The following MMP25 variants were observed in gnomAD, a reference collection of about 807,000 sequenced individuals.
The protein encoded by MMP25 is matrix metalloproteinase-25.
MMP25 carries 68 observed loss-of-function variants against 62.1 expected under a neutral mutation model. The observed-to-expected ratio is 1.10, with a 90% CI of 0.90 to 1.34. MMP25 has a LOEUF of 1.34. MMP25 is among the 40% of genes most tolerant of loss of function. The pLI is 0.00. For missense variants in MMP25, 942 were observed against 792.5 expected, an observed-to-expected ratio of 1.19 and a Z score of -2.26; for synonymous variants, 407 against 345.6, an observed-to-expected ratio of 1.18 and a Z score of -1.97.
rs765568487 is a variant in MMP25, at chr16:3,057,316, C to T, written c.845C>T (p.Ala282Val). Residue 282 changes from alanine (A) to valine (V), a missense_variant, in exon 6 of 10, where the codon GCG becomes GTG. Physicochemically the swap from Ala to Val is moderately conservative, Grantham distance 64 (BLOSUM62 0). Transcript: ENST00000336577. ...CCTGACTCTTTCCTCACAGGGAAGGCGCCCCAAACCCCATATGACAAGCCC... is the reference window on the plus strand; with the variant it reads ...CCTGACTCTTTCCTCACAGGGAAGGTGCCCCAAACCCCATATGACAAGCCC... ...RDGLQQLYGKAPQTPYDKPTR... is the reference protein window; with the variant it reads ...RDGLQQLYGKVPQTPYDKPTR... The T allele has an allele frequency of 1.1e-5, 18 of 1,614,054 alleles. No homozygotes were observed. The East Asian group carries it at 2.2e-4, about 20-fold the overall frequency.
chr16:3,051,865 C>G (rs1362578774), intron 4 of MMP25: 1 of 152,152 alleles, frequency 6.6e-6, no homozygotes, highest in Non-Finnish European at 1.5e-5. Flanking sequence ...TTGCTTTCAT[C>G]TGTAATCCTA....
In MMP25 at chr16:3,059,066, C is replaced by A. The variant is rs575147898; in HGVS notation, c.1657C>A (p.Pro553Thr). The part of the protein sequence containing the change: ...WPAPIPLLLL[P>T]LLVGGVASR The stretch of plus-strand genomic sequence containing the variant: ...TGCTCCCATCCCGCTGCTCCTCTTG[C>A]CCCTGCTGGTGGGGGGTGTAGCCTC... Residue 553 changes from proline (P) to threonine (T), a missense_variant, in exon 10 of 10, where the codon CCC becomes ACC. Physicochemically the swap from Pro to Thr is conservative, Grantham distance 38 (BLOSUM62 -1). Coordinates refer to ENST00000336577, the MANE Select transcript of MMP25 (RefSeq NM_022468.5). The A allele has an allele frequency of 4.5e-6, 7 of 1,549,940 alleles. No individual in the cohort carries two copies. In the East Asian group the frequency reaches 1.5e-4, roughly 32 times the overall value.
rs1475420009 is a variant in MMP25 at position 3,057,579 on chromosome 16, C to T, written c.972C>T (p.Ile324=). 8 of 1,614,198 alleles carry T rather than the reference C, an allele frequency of 5.0e-6. No individual in the cohort carries two copies. The highest frequency in any genetic ancestry group is 2.2e-5 in the East Asian group (1 of 44,888). The change falls in exon 7 of 10, where the codon ATC becomes ATT. Residue 324 remains isoleucine, a synonymous_variant. Coordinates refer to ENST00000336577, the MANE Select transcript of MMP25 (RefSeq NM_022468.5). Reference sequence around the variant, plus strand: ...GATGTGAGGGCAATTTTGACGCCATCGCCAACATCCGAGGGGAAACTTTCT... The same window carrying T: ...GATGTGAGGGCAATTTTGACGCCATTGCCAACATCCGAGGGGAAACTTTCT... ...PDRCEGNFDA[I]ANIRGETFFF...
At position 3,058,924 on chromosome 16, in the gene MMP25, G is replaced by C. The variant is rs1956067346; in HGVS notation, c.1515G>C (p.Trp505Cys). 12 of 1,551,850 alleles carry C rather than the reference G, an allele frequency of 7.7e-6. No homozygotes were observed. Among genetic ancestry groups the C allele is most frequent in the African/African-American group, 1.4e-5 (1 of 73,382 alleles). The part of the protein sequence containing the change: ...PDAPQPMGPN[W>C]LDCPAPSSGP... ...CCCCCCAGCCCATGGGGCCCAACTG[G>C]CTGGACTGCCCCGCCCCGAGCTCTG... Residue 505 changes from tryptophan (W) to cysteine (C), a missense_variant, in exon 10 of 10, where the codon TGG (tryptophan) becomes TGC (cysteine). Trp to Cys is a radical substitution (Grantham distance 215). Coordinates refer to ENST00000336577, the MANE Select transcript of MMP25 (RefSeq NM_022468.5).
At position 3,058,536 on chromosome 16, in the gene MMP25, C is replaced by T. The variant is rs1209024254; in HGVS notation, c.1284C>T (p.Thr428=). 4 of 1,610,966 alleles carry T rather than the reference C, an allele frequency of 2.5e-6. No individual in the cohort carries two copies. The highest frequency in any genetic ancestry group is 1.3e-5 in the African/African-American group (1 of 74,858). The change falls in exon 9 of 10, where the codon ACC becomes ACT. Residue 428 remains threonine, a synonymous_variant. Coordinates refer to ENST00000336577, the MANE Select transcript of MMP25 (RefSeq NM_022468.5). ...AVFSWPQNGK[T]YLVRGRQYWR... ...TCTCGTGGCCACAGAACGGGAAGAC[C>T]TACCTGGTCCGCGGCCGGCAGTACT...
At chr16:3,055,654 C>T (rs1032359109) in intron 4 of MMP25, 9 of 349,060 alleles carry the variant, frequency 2.6e-5, no homozygotes, top group African/African-American at 1.3e-4. Context: ...AGACGCTCAG[C>T]GAGTGGCTTT....
At chr16:3,056,924 G>T in intron 4 of MMP25, 109 bp from the exon 5 acceptor site, 1 of 1,231,700 alleles carries the variant, frequency 8.1e-7, no homozygotes, top group East Asian at 2.4e-5. Flanking sequence ...GGCCACCTCT[G>T]GAGGGTGTCC....
Position 3,057,373 on chromosome 16 carries a change from C to A in MMP25, c.902C>A (p.Pro301His). The change falls in exon 6 of 10, where the codon CCC (proline) becomes CAC (histidine). Residue 301 changes from proline to histidine, a missense_variant. Transcript: ENST00000336577. ...TRKPLAPPPQ[P>H]PASPTHSPSF... is the part of the protein sequence containing the mutation. Reference sequence around the variant, plus strand: ...AAACCCCTGGCTCCTCCGCCCCAGCCCCCGGCCTCGCCCACACACAGGTGA... The same window carrying A: ...AAACCCCTGGCTCCTCCGCCCCAGCACCCGGCCTCGCCCACACACAGGTGA... 1 of 1,613,318 alleles carries A rather than the reference C, an allele frequency of 6.2e-7. No homozygotes were observed. Among genetic ancestry groups the A allele is most frequent in the Non-Finnish European group, 8.5e-7 (1 of 1,179,648 alleles).
chr16:3,051,700 C>T (rs1285424864), intron 4 of MMP25: 1 of 152,072 alleles, frequency 6.6e-6, no homozygotes, highest in Non-Finnish European at 1.5e-5. Context: ...ATGACAACAC[C>T]CACGGTGACA....
intron 4 of MMP25, chr16:3,055,818 T>C (rs1356908138): frequency 4.4e-6 from 2 of 454,956 alleles, no homozygotes; most frequent in African/African-American, 2.0e-5. Flanking sequence ...GTCTCTGTCT[T>C]GGTCTCTTCA....
At chr16:3,053,585 G>T (rs1196124442) in intron 4 of MMP25, 1 of 152,298 alleles carries the variant, frequency 6.6e-6, no homozygotes, top group South Asian at 2.1e-4. Flanking sequence ...GCTAGCGGCC[G>T]CCTTGAGAGC....
Position 3,050,147 on chromosome 16 carries a change from A to G in MMP25, c.368+3A>G, listed in dbSNP as rs370368262. On this transcript the variant is annotated splice_donor_region_variant and intron_variant, in intron 3 of 9. Coordinates refer to ENST00000336577, the MANE Select transcript of MMP25 (RefSeq NM_022468.5). ...AAGAAGCGAACCCTGACATGGAGGT[A>G]GGTCCTGGGGCCCACCCGCACCCTG... The G allele has an allele frequency of 1.6e-5, 25 of 1,604,362 alleles. No individual in the cohort carries two copies. In the African/African-American group the frequency reaches 2.8e-4, roughly 18 times the overall value.
At chr16:3,047,133 C>T in intron 1 of MMP25, 117 bp downstream of exon 1, 1 of 1,196,404 alleles carries the variant, frequency 8.4e-7, no homozygotes, top group Non-Finnish European at 1.1e-6. Context: ...CAAAGAGTGA[C>T]TGAGGATGGG....
In MMP25 at chr16:3,057,311, G is replaced by A. The variant is rs551111768; in HGVS notation, c.840G>A (p.Gly280=). 29 of 1,614,048 alleles carry A rather than the reference G, an allele frequency of 1.8e-5. 3 individuals carry two copies. The highest frequency in any genetic ancestry group is 1.6e-4 in the African/African-American group (12 of 74,976). ...DDRDGLQQLY[G]KAPQTPYDKP... ...ACCTGCCTGACTCTTTCCTCACAGGGAAGGCGCCCCAAACCCCATATGACA... is the reference window on the plus strand; with the variant it reads ...ACCTGCCTGACTCTTTCCTCACAGGAAAGGCGCCCCAAACCCCATATGACA... The change falls in exon 6 of 10, where the codon GGG becomes GGA. Residue 280 remains glycine (G), a splice_region_variant and synonymous_variant. Transcript: ENST00000336577.
At chr16:3,056,393 C>T (rs1362426922) in intron 4 of MMP25, among the ~76,000 whole-genome samples, 3 of 150,354 alleles carry the variant, frequency 2.0e-5, no homozygotes, top group Admixed American at 1.3e-4. Context: ...TTTTCTTTTT[C>T]TTTTTTTTTC....
chr16:3,047,963 C>T (rs1034300361), intron 2 of MMP25, among the ~76,000 whole-genome samples: 1 of 151,932 alleles, frequency 6.6e-6, no homozygotes, highest in Admixed American at 6.6e-5. Context: ...CCTCAGCCTC[C>T]TGAGTAGCTG....
In MMP25 at chr16:3,058,837, C is replaced by G; in HGVS notation, c.1428C>G (p.Tyr476Ter). Residue 476 changes from tyrosine to a stop codon, truncating the protein, a stop_gained, in exon 10 of 10, where the codon TAC becomes TAG. Transcript: ENST00000336577. LOFTEE classifies it high-confidence loss of function. ...GCTCTGCTCCTCCAGGTGACACCTA[C>G]TTCTTCAAGGGCGCCCACTACTGGC... ...DVTVSNAGDT[Y>*]FFKGAHYWRF... 1 of 1,521,212 alleles carries G rather than the reference C, an allele frequency of 6.6e-7. No homozygotes were observed. The highest frequency in any genetic ancestry group is 1.3e-5 in the South Asian group (1 of 78,148). 94.2% of individuals were successfully genotyped at this position (1,521,212 alleles called of 1,614,324 possible).
chr16:3,048,662 G>A (rs1489547699), intron 2 of MMP25, among the ~76,000 whole-genome samples: 1 of 152,128 alleles, frequency 6.6e-6, no homozygotes, highest in African/African-American at 2.4e-5. Flanking sequence ...TTGTGTGCCT[G>A]GAGCAAAAGG....
Position 3,050,253 on chromosome 16 carries a change from G to C in MMP25, c.369-1G>C. 1.3e-6 allele frequency: 2 copies of C among 1,591,044 alleles called. No individual in the cohort carries two copies. Among genetic ancestry groups the C allele is most frequent in the African/African-American group, 1.3e-5 (1 of 74,688 alleles). On this transcript the variant is annotated splice_acceptor_variant, in intron 3 of 9. Coordinates refer to ENST00000336577, the MANE Select transcript of MMP25 (RefSeq NM_022468.5). LOFTEE classifies it high-confidence loss of function. ...CTTACACCTCACTCCCCTCTCCCCA[G>C]GGTACGTTCCTTCCCCCAGAGCTCC...
Sources: allele counts gnomAD v4.1 joint callset (sites outside exome capture counted in the v4.1 genomes callset), GRCh38; gene constraint gnomAD v4.1.1; transcripts MANE v1.5; gene names NCBI Gene and HGNC (gene_info 2026-07-23, HGNC 2026-07-21).